GINS1: variants seen among roughly 807,000 people sequenced by gnomAD.
GINS1 encodes GINS complex subunit 1.
Under a neutral mutation model 34.9 loss-of-function variants are expected in GINS1, and 26 were observed. That is an observed-to-expected ratio of 0.74 (90% CI 0.55 to 1.03). The LOEUF is 1.03. Among genes scored for constraint, GINS1 ranks in the 50% least tolerant of loss-of-function variants. GINS1 has a pLI of 0.00. For synonymous variants in GINS1, 97 were observed against 84.4 expected (o/e 1.15, Z -0.82); for missense variants, 235 against 237.9 (o/e 0.99, Z 0.08).
intron 2 of GINS1, among the ~76,000 whole-genome samples, chr20:25,415,504 A>T (rs141031511): frequency 1.3e-3 from 202 of 152,248 alleles, no homozygotes; most frequent in South Asian, 2.7e-3. Flanking sequence ...CCTGACCAAC[A>T]TGGTGAAACC....
chr20:25,428,474 G>A (rs970689202), intron 5 of GINS1, among the ~76,000 whole-genome samples: 1 of 142,140 alleles, frequency 7.0e-6, no homozygotes, highest in African/African-American at 2.7e-5. Context: ...CACAATCTCG[G>A]CTCACTGCAA....
At position 25,413,845 on chromosome 20, in the gene GINS1, A is replaced by C. The variant is rs1375113845; in HGVS notation, c.131A>C (p.Gln44Pro). 3 of 1,536,296 alleles carry C rather than the reference A, an allele frequency of 2.0e-6. No individual in the cohort carries two copies. The highest frequency in any genetic ancestry group is 2.7e-6 in the Non-Finnish European group (3 of 1,108,910). The change falls in exon 2 of 7, where the codon CAG becomes CCG. Residue 44 changes from glutamine (Q) to proline (P), a missense_variant. Physicochemically the swap from Gln to Pro is moderately conservative, Grantham distance 76. Coordinates refer to ENST00000262460, the MANE Select transcript of GINS1 (RefSeq NM_021067.5). ...ATGAAAGCTTTGTATGAACAAAACC[A>C]GTCTGATGTGTAAGTTTCATAAGAT... ...EEMKALYEQN[Q>P]SDVNEAKSGG...
chr20:25,408,678 G>C (rs150766783), intron 1 of GINS1, among the ~76,000 whole-genome samples: 1 of 152,224 alleles, frequency 6.6e-6, no homozygotes, highest in Non-Finnish European at 1.5e-5. Flanking sequence ...GTGACAGGGA[G>C]ACCCTGTCCC....
intron 5 of GINS1, among the ~76,000 whole-genome samples, chr20:25,431,605 C>G (rs1266924248): frequency 4.9e-5 from 7 of 143,926 alleles, no homozygotes; most frequent in Non-Finnish European, 1.0e-4. Flanking sequence ...GGATCTCACT[C>G]TGTTACCCAG....
Position 25,441,794 on chromosome 20 carries a change from A to T in GINS1, c.522+18A>T. ...ATAGCCAGGTATTTCTTATCTTCAG[A>T]TTCTTTACTTTAAATCTTATGAGTG... On this transcript the variant is annotated intron_variant, in intron 6 of 6. Coordinates refer to ENST00000262460, the MANE Select transcript of GINS1 (RefSeq NM_021067.5). 8.0e-7 allele frequency: 1 copy of T among 1,251,646 alleles called. No individual in the cohort carries two copies. Among genetic ancestry groups the T allele is most frequent in the Non-Finnish European group, 1.2e-6 (1 of 866,932 alleles). 77.5% of individuals were successfully genotyped at this position (1,251,646 alleles called of 1,614,324 possible).
intron 5 of GINS1, among the ~76,000 whole-genome samples, chr20:25,431,728 G>A (rs1319168178): frequency 7.9e-5 from 12 of 151,428 alleles, no homozygotes; most frequent in African/African-American, 2.4e-4. Flanking sequence ...GCGCCACCAC[G>A]CCCGGCTAAT....
chr20:25,447,692 T>G lies in GINS1; in HGVS notation c.*1701T>G, dbSNP rs555665563. The G allele has an allele frequency of 6.6e-6, 1 of 152,372 alleles. No homozygotes were observed. Among genetic ancestry groups the G allele is most frequent in the Non-Finnish European group, 1.5e-5 (1 of 68,044 alleles). The allele number at this position is 152,372 out of a possible 1,614,324, so 9.4% of individuals were successfully genotyped here. ...GTTTCACCGTGTTGGCCAGGCTGTG[T>G]TGAACTCCTGAGCTAAAGCAATACA... On this transcript the variant is annotated 3_prime_UTR_variant, in exon 7 of 7. Coordinates refer to ENST00000262460, the MANE Select transcript of GINS1 (RefSeq NM_021067.5).
chr20:25,408,953 T>C, intron 1 of GINS1: 2 of 983,230 alleles, frequency 2.0e-6, no homozygotes, highest in African/African-American at 1.7e-5. Context: ...TTCACCACGC[T>C]AAGTGATACT....
rs1211946768 is a variant in GINS1 at position 25,448,480 on chromosome 20, A to G, written c.*2489A>G. ...AACTTGTATCCTTCAGCCTTGCTAA[A>G]CTGTGAGTTCTCATGGTGTTTTTGT... On this transcript the variant is annotated 3_prime_UTR_variant, in exon 7 of 7. Coordinates refer to ENST00000262460, the MANE Select transcript of GINS1 (RefSeq NM_021067.5). 1.3e-5 allele frequency: 2 copies of G among 152,200 alleles called. No homozygotes were observed. The highest frequency in any genetic ancestry group is 4.1e-4 in the South Asian group (2 of 4,836). 9.4% of individuals were successfully genotyped at this position (152,200 alleles called of 1,614,324 possible). A position where few individuals can be genotyped will look rare whatever the true frequency, so the allele number is the denominator to read the frequency against.
At position 25,445,909 on chromosome 20, in the gene GINS1, T is replaced by A; in HGVS notation, c.523-14T>A. On this transcript the variant is annotated splice_polypyrimidine_tract_variant and intron_variant, in intron 6 of 6. Transcript: ENST00000262460. ...TTTATTTTACTCTTTCTCCATCCCT[T>A]CTTGTCCCCTCAGCACTTTTTACCT... 1 of 1,545,176 alleles carries A rather than the reference T, an allele frequency of 6.5e-7. No homozygotes were observed.
At chr20:25,419,648 A>G (rs2090342901) in intron 4 of GINS1, 8 of 749,204 alleles carry the variant, frequency 1.1e-5, no homozygotes, top group South Asian at 2.0e-5. Flanking sequence ...TTTCTCATAC[A>G]ATATTTTAGA....
Position 25,431,467 on chromosome 20 carries a change from TG to T in GINS1, c.447+6142del, listed in dbSNP as rs1420664841. Among the ~76,000 whole-genome samples the T allele has an allele frequency of 2.0e-5, 3 of 152,228 alleles. No homozygotes were observed. The East Asian group carries it at 5.8e-4, about 29-fold the overall frequency. ...TAGGTTTAGCTTGCTTTTCTTTTTCTGGTTCCTTAAGATGTAAAGTTAGGTG... is the reference window on the plus strand; with the variant it reads ...TAGGTTTAGCTTGCTTTTCTTTTTCTGTTCCTTAAGATGTAAAGTTAGGTG... On this transcript the variant is annotated intron_variant, in intron 5 of 6. Coordinates refer to ENST00000262460, the MANE Select transcript of GINS1 (RefSeq NM_021067.5).
At chr20:25,418,318 C>A in intron 4 of GINS1, 123 bp downstream of exon 4, 1 of 689,002 alleles carries the variant, frequency 1.5e-6, no homozygotes, top group Admixed American at 2.1e-5. Context: ...CAATTTTTGG[C>A]TGGTATTTAG....
intron 5 of GINS1, among the ~76,000 whole-genome samples, chr20:25,437,525 A>C (rs2090460444): frequency 6.6e-6 from 1 of 152,234 alleles, no homozygotes; most frequent in South Asian, 2.1e-4. Flanking sequence ...CCAGAGTTCC[A>C]AAATACTGAC....
At chr20:25,442,491 A>G (rs1180660255) in intron 6 of GINS1, among the ~76,000 whole-genome samples, 1 of 151,812 alleles carries the variant, frequency 6.6e-6, no homozygotes, top group African/African-American at 2.4e-5. Flanking sequence ...AAGTGCGAGG[A>G]TTACAGGTGT....
rs138651314 is a variant in GINS1, at chr20:25,436,642, C to G, written c.448-5060C>G. 1.3e-3 allele frequency among the ~76,000 whole-genome samples: 199 copies of G among 152,220 alleles called. 1 individual carries two copies. The highest frequency in any genetic ancestry group is 4.5e-3 in the African/African-American group (186 of 41,554). On this transcript the variant is annotated intron_variant, in intron 5 of 6. Transcript: ENST00000262460. ...TTTATAGTTCTCAGCTCCGGAATATCTTTTTGGTCTTTTTAGGTTTTCTAT... is the reference window on the plus strand; with the variant it reads ...TTTATAGTTCTCAGCTCCGGAATATGTTTTTGGTCTTTTTAGGTTTTCTAT...
intron 5 of GINS1, among the ~76,000 whole-genome samples, chr20:25,440,982 C>G (rs1422767321): frequency 6.6e-6 from 1 of 152,198 alleles, no homozygotes; most frequent in African/African-American, 2.4e-5. Flanking sequence ...AAGACATAGT[C>G]GTTGCTGGCG....
chr20:25,414,507 C>A lies in GINS1; in HGVS notation c.140+653C>A, dbSNP rs114167660. Among the ~76,000 whole-genome samples the A allele has an allele frequency of 1.4e-3, 215 of 152,072 alleles. 1 individual carries two copies. Among genetic ancestry groups the A allele is most frequent in the African/African-American group, 4.9e-3 (203 of 41,500 alleles). ...CAAAAGGATCAGTTGAGGCCAGGAGCCTGGACATATAGCAGGACTCTGTCT... is the reference window on the plus strand; with the variant it reads ...CAAAAGGATCAGTTGAGGCCAGGAGACTGGACATATAGCAGGACTCTGTCT... On this transcript the variant is annotated intron_variant, in intron 2 of 6. Coordinates refer to ENST00000262460, the MANE Select transcript of GINS1 (RefSeq NM_021067.5).
At chr20:25,409,008 C>G (rs1181607472) in intron 1 of GINS1, 24 of 984,910 alleles carry the variant, frequency 2.4e-5, no homozygotes, top group Non-Finnish European at 2.9e-5. Context: ...CCAGTATGAG[C>G]TGGGGTAGAA....
Sources: gnomAD v4.1 joint callset for allele counts (sites outside exome capture counted in the v4.1 genomes callset) on GRCh38, gnomAD v4.1.1 for gene constraint, MANE v1.5 for transcripts, NCBI Gene and HGNC (gene_info 2026-07-23, HGNC 2026-07-21) for gene names.